Variants in ZFYVE9 observed in about 807,000 individuals in gnomAD.
ZFYVE9 encodes zinc finger FYVE domain-containing protein 9.
Under a neutral mutation model 126.7 loss-of-function variants are expected in ZFYVE9, and 43 were observed. The ratio of observed to expected loss-of-function variants is 0.34; its 90% CI spans 0.27 to 0.44. ZFYVE9 has a LOEUF of 0.44. Among genes scored for constraint, ZFYVE9 ranks in the 20% least tolerant of loss-of-function variants. ZFYVE9 has a pLI of 1.00. For synonymous variants in ZFYVE9, 521 were observed against 597.4 expected, an observed-to-expected ratio of 0.87 and a Z score of 1.87; for missense variants, 1,476 against 1,697.0, an observed-to-expected ratio of 0.87 and a Z score of 2.29.
At chr1:52,280,379 A>T (rs1481353651) in intron 9 of ZFYVE9, among the ~76,000 whole-genome samples, 8 of 131,394 alleles carry the variant, frequency 6.1e-5, no homozygotes, top group African/African-American at 1.3e-4. Context: ...GACCCTGTTT[A>T]AAAAAAAAAA....
At position 52,274,500 on chromosome 1, in the gene ZFYVE9, G is replaced by A. The variant is rs1021973409; in HGVS notation, c.2662G>A (p.Val888Ile). The change falls in exon 8 of 19, where the codon GTT becomes ATT. Residue 888 changes from valine (V) to isoleucine (I), a missense_variant. Val to Ile is a conservative substitution (Grantham distance 29, BLOSUM62 3). Transcript: ENST00000287727. Reference sequence around the variant, plus strand: ...TCTATTCTCTGGGAGTATAACTCAGGTTGGAAGTCCTGTTGGAAGTGCAAT... The same window carrying A: ...TCTATTCTCTGGGAGTATAACTCAGATTGGAAGTCCTGTTGGAAGTGCAAT... Reference protein sequence around the residue: ...ICLFSGSITQVGSPVGSAMNL... With the variant: ...ICLFSGSITQIGSPVGSAMNL... The A allele has an allele frequency of 6.2e-7, 1 of 1,612,098 alleles. No individual in the cohort carries two copies. Among genetic ancestry groups the A allele is most frequent in the African/African-American group, 1.3e-5 (1 of 74,880 alleles).
At chr1:52,146,607 A>T (rs1644308424) in intron 1 of ZFYVE9, among the ~76,000 whole-genome samples, 1 of 152,194 alleles carries the variant, frequency 6.6e-6, no homozygotes. Flanking sequence ...TGGGTAAATC[A>T]GAGCTATAGT....
At chr1:52,176,652 G>A (rs1304654808) in intron 1 of ZFYVE9, among the ~76,000 whole-genome samples, 4 of 152,180 alleles carry the variant, frequency 2.6e-5, no homozygotes, top group African/African-American at 7.2e-5. Context: ...CACCCAGTTC[G>A]AGCTTCCCGG....
In ZFYVE9 at chr1:52,235,469, A is replaced by G. The variant is rs1431787133; in HGVS notation, c.71-2019A>G. Among the ~76,000 whole-genome samples the G allele has an allele frequency of 4.6e-5, 7 of 152,296 alleles. No homozygotes were observed. The South Asian group carries it at 1.0e-3, about 23-fold the overall frequency. ...TTTGTTTCCAGGAACCATATTGGAA[A>G]TATGACTTATTTGCTTTTTTTTCTT... On this transcript the variant is annotated intron_variant, in intron 3 of 18. Transcript: ENST00000287727.
intron 13 of ZFYVE9, among the ~76,000 whole-genome samples, chr1:52,307,232 T>TTTTTTGTTTTGTTTTG (rs1646093739): frequency 6.6e-6 from 1 of 152,172 alleles, no homozygotes; most frequent in Non-Finnish European, 1.5e-5. Context: ...TTATTTCTTT[T>TTTTTTGTTTTGTTTTG]TTTTTGTTTT....
At chr1:52,343,306 C>T (rs1170900092) in intron 17 of ZFYVE9, among the ~76,000 whole-genome samples, 1 of 151,668 alleles carries the variant, frequency 6.6e-6, no homozygotes, top group South Asian at 2.1e-4. Context: ...ATTAGTCTGG[C>T]TTGGTGGCAG....
At chr1:52,216,057 C>T (rs1462954067) in intron 1 of ZFYVE9, among the ~76,000 whole-genome samples, 3 of 152,186 alleles carry the variant, frequency 2.0e-5, no homozygotes, top group Non-Finnish European at 4.4e-5. Context: ...AAATTATATA[C>T]TTATGAATTA....
intron 1 of ZFYVE9, among the ~76,000 whole-genome samples, chr1:52,157,530 C>T (rs536762029): frequency 5.3e-5 from 8 of 151,194 alleles, no homozygotes; most frequent in African/African-American, 1.9e-4. Flanking sequence ...GCCTCCCCAG[C>T]AGTTGGGATG....
At chr1:52,270,941 G>C (rs1006430655) in intron 7 of ZFYVE9, among the ~76,000 whole-genome samples, 1 of 152,112 alleles carries the variant, frequency 6.6e-6, no homozygotes, top group South Asian at 2.1e-4. Flanking sequence ...TGTAATCCCA[G>C]CACTTTGGAA....
chr1:52,318,342 C>G (rs1015367757), intron 13 of ZFYVE9, among the ~76,000 whole-genome samples: 5 of 149,358 alleles, frequency 3.3e-5, no homozygotes, highest in Admixed American at 6.8e-5. Flanking sequence ...ATCCTACTTC[C>G]ATTCAAGATT....
rs1260111216 is a variant in ZFYVE9 at position 52,238,456 on chromosome 1, A to G, written c.1039A>G (p.Asn347Asp). The G allele has an allele frequency of 2.5e-6, 4 of 1,614,116 alleles. No homozygotes were observed. The highest frequency in any genetic ancestry group is 3.4e-6 in the Non-Finnish European group (4 of 1,179,974). ...LPLLLKPDMP[N>D]GSGRNNDCER... Reference sequence around the variant, plus strand: ...TTTGCTTCTCAAACCAGACATGCCTAATGGGTCTGGAAGGAATAATGACTG... The same window carrying G: ...TTTGCTTCTCAAACCAGACATGCCTGATGGGTCTGGAAGGAATAATGACTG... Residue 347 changes from asparagine (N) to aspartate (D), a missense_variant, in exon 4 of 19, where the codon AAT (asparagine) becomes GAT (aspartate). This residue lies in a region of ZFYVE9 where 807 missense variants were observed against 794.6 expected (regional missense o/e 1.02). Coordinates refer to ENST00000287727, the MANE Select transcript of ZFYVE9 (RefSeq NM_004799.4).
At chr1:52,172,224 G>C (rs1572072245) in intron 1 of ZFYVE9, among the ~76,000 whole-genome samples, 1 of 152,184 alleles carries the variant, frequency 6.6e-6, no homozygotes, top group South Asian at 2.1e-4. Flanking sequence ...CATATGGCTA[G>C]CCAGTTTTCC....
At chr1:52,187,043 G>A (rs970871379) in intron 1 of ZFYVE9, among the ~76,000 whole-genome samples, 22 of 152,092 alleles carry the variant, frequency 1.4e-4, no homozygotes, top group African/African-American at 5.3e-4. Context: ...AAAGCTGGAG[G>A]CATCATATTA....
At chr1:52,234,256 A>G (rs1645252098) in intron 3 of ZFYVE9, among the ~76,000 whole-genome samples, 2 of 152,152 alleles carry the variant, frequency 1.3e-5, no homozygotes, top group South Asian at 2.1e-4. Flanking sequence ...TCCAAAGTCC[A>G]TGATTCCAGT....
At chr1:52,198,587 A>G (rs1006944453) in intron 1 of ZFYVE9, among the ~76,000 whole-genome samples, 1 of 152,170 alleles carries the variant, frequency 6.6e-6, no homozygotes, top group Non-Finnish European at 1.5e-5. Context: ...TTTTACTGCA[A>G]GTGTTAGGCT....
chr1:52,190,727 T>A (rs535738235), intron 1 of ZFYVE9, among the ~76,000 whole-genome samples: 7 of 152,350 alleles, frequency 4.6e-5, no homozygotes, highest in African/African-American at 1.7e-4. Context: ...TAAACATGGC[T>A]GAGATAAAGT....
At chr1:52,342,996 TC>T (rs771500106) in intron 17 of ZFYVE9, among the ~76,000 whole-genome samples, 1 of 151,598 alleles carries the variant, frequency 6.6e-6, no homozygotes, top group Non-Finnish European at 1.5e-5. Context: ...AAGCTCCACC[TC>T]CCAGGTCCAC....
chr1:52,316,181 A>AAAAAAAAAAG (rs1646182921), intron 13 of ZFYVE9, among the ~76,000 whole-genome samples: 1 of 148,050 alleles, frequency 6.8e-6, no homozygotes, highest in Non-Finnish European at 1.5e-5. Context: ...AAAAAAAAAA[A>AAAAAAAAAAG]AAAAAAAAAG....
intron 2 of ZFYVE9, among the ~76,000 whole-genome samples, chr1:52,226,089 T>A (rs1645168280): frequency 6.6e-6 from 1 of 152,182 alleles, no homozygotes; most frequent in African/African-American, 2.4e-5. Flanking sequence ...GTATGAAGTT[T>A]ACATAGCATG....
Sources: gnomAD v4.1 joint callset for allele counts (sites outside exome capture counted in the v4.1 genomes callset) on GRCh38, gnomAD v4.1.1 for gene constraint, gnomAD v4.1.1 regional missense constraint, MANE v1.5 for transcripts, NCBI Gene and HGNC (gene_info 2026-07-23, HGNC 2026-07-21) for gene names.